The following LRRTM4 variants were observed in gnomAD, a reference collection of about 807,000 sequenced individuals.
LRRTM4 encodes leucine-rich repeat transmembrane neuronal protein 4.
LRRTM4 carries 25 observed loss-of-function variants against 47.6 expected under a neutral mutation model. That is an observed-to-expected ratio of 0.53 (90% CI 0.38 to 0.73). LRRTM4 has a LOEUF of 0.73. Ranked by LOEUF, LRRTM4 falls within the 30% of genes least tolerant of loss-of-function variation. The pLI, the probability that LRRTM4 is intolerant of heterozygous loss-of-function variation, is 0.00. For synonymous variants in LRRTM4, 311 were observed against 269.5 expected, an observed-to-expected ratio of 1.15 and a Z score of -1.51; for missense variants, 638 against 713.4, an observed-to-expected ratio of 0.89 and a Z score of 1.20.
chr2:77,176,518 A>G (rs936320582), intron 3 of LRRTM4, among the ~76,000 whole-genome samples: 1 of 152,184 alleles, frequency 6.6e-6, no homozygotes, highest in African/African-American at 2.4e-5. Flanking sequence ...TGCAGTTTCA[A>G]TCTCTTTCTT....
At chr2:76,773,849 G>C (rs1335843543) in intron 3 of LRRTM4, among the ~76,000 whole-genome samples, 1 of 151,528 alleles carries the variant, frequency 6.6e-6, no homozygotes, top group South Asian at 2.1e-4. Flanking sequence ...AATAATGGTA[G>C]CAGAGGTTTG....
chr2:77,175,406 G>A (rs1417166044), intron 3 of LRRTM4, among the ~76,000 whole-genome samples: 2 of 152,040 alleles, frequency 1.3e-5, no homozygotes, highest in Admixed American at 1.3e-4. Flanking sequence ...CTAAGCCCAG[G>A]GCATAAAATC....
chr2:77,082,709 T>C lies in LRRTM4; in HGVS notation c.1552-333793A>G, dbSNP rs568598736. Among the ~76,000 whole-genome samples, 10 of 152,242 alleles carry C rather than the reference T, an allele frequency of 6.6e-5. No homozygotes were observed. The South Asian group carries it at 1.0e-3, about 16-fold the overall frequency. ...ATAAAGTAGAGAAATAGAAATATCC[T>C]ATTTGTTCTGGAATTAATGTCAGAG... On this transcript the variant is annotated intron_variant, in intron 3 of 3. Coordinates refer to ENST00000409884, the MANE Select transcript of LRRTM4 (RefSeq NM_001134745.3).
chr2:77,365,921 TA>T (rs1242734737), intron 3 of LRRTM4, among the ~76,000 whole-genome samples: 4 of 147,934 alleles, frequency 2.7e-5, no homozygotes, highest in African/African-American at 7.4e-5. Flanking sequence ...TATATATATA[TA>T]ATAATATTTA....
intron 3 of LRRTM4, among the ~76,000 whole-genome samples, chr2:76,844,612 G>A (rs1558689157): frequency 6.6e-6 from 1 of 152,108 alleles, no homozygotes; most frequent in East Asian, 1.9e-4. Flanking sequence ...AAGCCAAGAA[G>A]CAAACAATGT....
chr2:76,804,734 G>A (rs1473278739), intron 3 of LRRTM4, among the ~76,000 whole-genome samples: 2 of 143,624 alleles, frequency 1.4e-5, no homozygotes, highest in Non-Finnish European at 3.1e-5. Flanking sequence ...GATATATCAT[G>A]TTTTATATAT....
chr2:77,479,370 G>A (rs1354390559), intron 3 of LRRTM4, among the ~76,000 whole-genome samples: 1 of 152,112 alleles, frequency 6.6e-6, no homozygotes, highest in Non-Finnish European at 1.5e-5. Context: ...TGATACTTCA[G>A]AAATGAATAT....
chr2:77,081,821 T>G (rs1471325707), intron 3 of LRRTM4, among the ~76,000 whole-genome samples: 14 of 152,194 alleles, frequency 9.2e-5, no homozygotes. Context: ...AAATATCCTT[T>G]TAGACCAATC....
intron 3 of LRRTM4, among the ~76,000 whole-genome samples, chr2:76,937,048 C>T (rs955913820): frequency 3.6e-5 from 5 of 140,042 alleles, no homozygotes; most frequent in South Asian, 2.3e-4. Flanking sequence ...ACAATGACAA[C>T]GGGAAGCCAC....
chr2:77,212,186 GA>G (rs969670699), intron 3 of LRRTM4, among the ~76,000 whole-genome samples: 1 of 151,390 alleles, frequency 6.6e-6, no homozygotes, highest in African/African-American at 2.4e-5. Context: ...CGAATATTTA[GA>G]AAAAAACATT....
At chr2:77,435,916 T>C (rs114942677) in intron 3 of LRRTM4, among the ~76,000 whole-genome samples, 1 of 152,080 alleles carries the variant, frequency 6.6e-6, no homozygotes, top group Non-Finnish European at 1.5e-5. Context: ...TAGACCATAC[T>C]GCAAGGGAAA....
intron 3 of LRRTM4, among the ~76,000 whole-genome samples, chr2:76,779,411 T>A (rs1674220950): frequency 1.3e-5 from 2 of 150,656 alleles, no homozygotes; most frequent in Middle Eastern, 6.8e-3. Flanking sequence ...TCTTTGTAGG[T>A]CGCTCAGGAC....
intron 3 of LRRTM4, among the ~76,000 whole-genome samples, chr2:77,139,232 A>G (rs1355047334): frequency 1.3e-5 from 2 of 152,164 alleles, no homozygotes; most frequent in African/African-American, 4.8e-5. Context: ...TCAATAAAAT[A>G]CTGGCAAACC....
At position 77,103,667 on chromosome 2, in the gene LRRTM4, A is replaced by ATATATATATATATATATATATC. The variant is rs145819033; in HGVS notation, c.1552-354752_1552-354751insGATATATATATATATATATATA. 5.7e-4 allele frequency among the ~76,000 whole-genome samples: 84 copies of ATATATATATATATATATATATC among 146,262 alleles called. No homozygotes were observed. The East Asian group carries it at 9.5e-3, about 17-fold the overall frequency. On this transcript the variant is annotated intron_variant, in intron 3 of 3. Coordinates refer to ENST00000409884, the MANE Select transcript of LRRTM4 (RefSeq NM_001134745.3). Reference sequence around the variant, plus strand: ...TGAGTGTATATATATATATATAGATATATATATCACATATATGTATATATA... The same window carrying ATATATATATATATATATATATC: ...TGAGTGTATATATATATATATAGATATATATATATATATATATATATCTATATATCACATATATGTATATATA...
chr2:76,870,965 G>A (rs1672607053), intron 3 of LRRTM4, among the ~76,000 whole-genome samples: 1 of 152,136 alleles, frequency 6.6e-6, no homozygotes, highest in African/African-American at 2.4e-5. Flanking sequence ...CTCTCTGAAT[G>A]AATCCAGAAT....
intron 3 of LRRTM4, among the ~76,000 whole-genome samples, chr2:77,283,551 C>A (rs1423862067): frequency 6.6e-6 from 1 of 151,988 alleles, no homozygotes; most frequent in Non-Finnish European, 1.5e-5. Flanking sequence ...TTCACAATAG[C>A]AAAGTCATGG....
intron 3 of LRRTM4, among the ~76,000 whole-genome samples, chr2:76,784,794 T>A (rs1171349201): frequency 8.5e-6 from 1 of 117,776 alleles, no homozygotes; most frequent in African/African-American, 2.6e-5. Context: ...TATGGTTTTT[T>A]ATTTATTTGT....
At chr2:76,968,361 T>TACAC (rs1479861157) in intron 3 of LRRTM4, among the ~76,000 whole-genome samples, 10 of 121,318 alleles carry the variant, frequency 8.2e-5, no homozygotes, top group African/African-American at 2.6e-4. Context: ...TATATATATA[T>TACAC]ATATATATAT....
rs182725058 is a variant in LRRTM4, at chr2:77,093,562, A to G, written c.1552-344646T>C. ...ATCCCGCTTGAAGCAGCCCTGAGAA[A>G]CATCGCCCATTCTCTCTCCATACCA... On this transcript the variant is annotated intron_variant, in intron 3 of 3. Transcript: ENST00000409884. Among the ~76,000 whole-genome samples the G allele has an allele frequency of 6.6e-5, 10 of 151,892 alleles. No individual in the cohort carries two copies. In the East Asian group the frequency reaches 1.7e-3, roughly 27 times the overall value.
Sources: allele counts gnomAD v4.1 joint callset (sites outside exome capture counted in the v4.1 genomes callset), GRCh38; gene constraint gnomAD v4.1.1; transcripts MANE v1.5; gene names NCBI Gene and HGNC (gene_info 2026-07-23, HGNC 2026-07-21).